CDC42BPA: variants seen among roughly 807,000 people sequenced by gnomAD.
CDC42BPA encodes the protein serine/threonine-protein kinase MRCK alpha.
A neutral mutation model predicts 223.5 loss-of-function variants in CDC42BPA; 80 were observed. That is an observed-to-expected ratio of 0.36 (90% CI 0.30 to 0.43). The LOEUF (loss-of-function observed/expected upper bound fraction) is 0.43. Among genes scored for constraint, CDC42BPA ranks in the 20% least tolerant of loss-of-function variants. The pLI is 1.00. For synonymous variants in CDC42BPA, 694 were observed against 718.6 expected, an observed-to-expected ratio of 0.97 and a Z score of 0.55; for missense variants, 1,743 against 2,099.9, an observed-to-expected ratio of 0.83 and a Z score of 3.32.
At chr1:227,203,299 T>C (rs908946323) in intron 3 of CDC42BPA, among the ~76,000 whole-genome samples, 5 of 152,104 alleles carry the variant, frequency 3.3e-5, no homozygotes, top group African/African-American at 1.2e-4. Flanking sequence ...TTGTCACAAT[T>C]GGGAAAGGAT....
intron 15 of CDC42BPA, among the ~76,000 whole-genome samples, chr1:227,095,739 A>G (rs1262865345): frequency 6.6e-6 from 1 of 151,922 alleles, no homozygotes; most frequent in African/African-American, 2.4e-5. Context: ...TTACAGGCAC[A>G]TGCCACTGTG....
rs922329437 is a variant in CDC42BPA, at chr1:227,237,591, G to A, written c.270+16473C>T. ...ACTATACCAATAGTTTATTCAACCG[G>A]TTGCCTAATGTCAGATATTTGGGTT... On this transcript the variant is annotated intron_variant, in intron 2 of 36. Transcript: ENST00000366766. Among the ~76,000 whole-genome samples, 5 of 152,194 alleles carry A rather than the reference G, an allele frequency of 3.3e-5. No individual in the cohort carries two copies. In the South Asian group the frequency reaches 6.2e-4, roughly 19 times the overall value.
chr1:227,070,308 T>G (rs1335602751), intron 20 of CDC42BPA, among the ~76,000 whole-genome samples: 1 of 151,866 alleles, frequency 6.6e-6, no homozygotes, highest in African/African-American at 2.4e-5. Context: ...CAAATACACT[T>G]AATTACAAAA....
At chr1:227,241,774 T>C (rs1680062717) in intron 2 of CDC42BPA, among the ~76,000 whole-genome samples, 1 of 152,120 alleles carries the variant, frequency 6.6e-6, no homozygotes, top group Admixed American at 6.5e-5. Flanking sequence ...ACTGTATATA[T>C]ACAATTAGGG....
intron 1 of CDC42BPA, among the ~76,000 whole-genome samples, chr1:227,279,008 CTT>C (rs151079127): frequency 7.0e-6 from 1 of 142,672 alleles, no homozygotes. Flanking sequence ...TGGTCCTAGC[CTT>C]TTTTTTTTTT....
At chr1:227,026,016 T>C (rs536339377) in intron 31 of CDC42BPA, 39 bp downstream of exon 31, 6 of 1,086,662 alleles carry the variant, frequency 5.5e-6, no homozygotes, top group South Asian at 4.0e-5. Context: ...TTTTCACTTA[T>C]ACTCAGTTGG....
At chr1:227,038,754 G>A (rs941659207) in intron 24 of CDC42BPA, among the ~76,000 whole-genome samples, 2 of 152,206 alleles carry the variant, frequency 1.3e-5, no homozygotes, top group African/African-American at 4.8e-5. Context: ...AGCAGGAGAT[G>A]CAACATGGCT....
intron 21 of CDC42BPA, among the ~76,000 whole-genome samples, chr1:227,052,768 A>G (rs1673796215): frequency 6.6e-6 from 1 of 152,346 alleles, no homozygotes; most frequent in African/African-American, 2.4e-5. Flanking sequence ...AAACACCATC[A>G]GTTTAAGAAT....
chr1:227,094,598 C>T (rs909468915), intron 15 of CDC42BPA, among the ~76,000 whole-genome samples: 5 of 152,204 alleles, frequency 3.3e-5, no homozygotes, highest in African/African-American at 1.2e-4. Context: ...ACTCTTTAAA[C>T]ATATCCTGTG....
At chr1:227,297,773 A>G (rs538903576) in intron 1 of CDC42BPA, among the ~76,000 whole-genome samples, 6 of 152,048 alleles carry the variant, frequency 3.9e-5, no homozygotes, top group Admixed American at 2.6e-4. Flanking sequence ...AAGTTACCAC[A>G]AACTGGGGAA....
chr1:227,229,506 C>T (rs1673499996), intron 2 of CDC42BPA, among the ~76,000 whole-genome samples: 1 of 152,148 alleles, frequency 6.6e-6, no homozygotes, highest in South Asian at 2.1e-4. Context: ...CAAATTTCTA[C>T]ATAAATTTTA....
At chr1:227,041,815 T>C (rs1246732458) in intron 23 of CDC42BPA, among the ~76,000 whole-genome samples, 4 of 152,166 alleles carry the variant, frequency 2.6e-5, no homozygotes, top group Non-Finnish European at 5.9e-5. Context: ...ACACAGTCTA[T>C]CTTATTACTA....
chr1:227,202,379 C>G (rs944884446), intron 3 of CDC42BPA, among the ~76,000 whole-genome samples: 3 of 152,218 alleles, frequency 2.0e-5, no homozygotes, highest in Non-Finnish European at 4.4e-5. Flanking sequence ...TGGTTTACTG[C>G]TAACATTTTA....
At position 227,298,083 on chromosome 1, in the gene CDC42BPA, C is replaced by G. The variant is rs1342288434; in HGVS notation, c.178+18922G>C. ...TGAGAAAAAGCAGTGTGACTATATA[C>G]AATGTTTTTTTTTATCTGTCTCAAA... is the stretch of plus-strand genomic sequence containing the variant. On this transcript the variant is annotated intron_variant, in intron 1 of 36. Coordinates refer to ENST00000366766, the MANE Select transcript of CDC42BPA (RefSeq NM_001394014.1). Among the ~76,000 whole-genome samples, 5 of 131,000 alleles carry G rather than the reference C, an allele frequency of 3.8e-5. No individual in the cohort carries two copies. The South Asian group carries it at 7.1e-4, about 19-fold the overall frequency. 85.9% of individuals were successfully genotyped at this position (131,000 alleles called of 152,430 possible).
At chr1:227,252,579 G>A (rs2813982) in intron 2 of CDC42BPA, among the ~76,000 whole-genome samples, 14,914 of 152,018 alleles carry the variant, frequency 0.098, 1,176 homozygotes, top group East Asian at 0.36. Flanking sequence ...CAGAACATTC[G>A]AAGTAGGAAA....
chr1:227,043,808 C>T (rs993245463), intron 23 of CDC42BPA, among the ~76,000 whole-genome samples: 6 of 152,072 alleles, frequency 3.9e-5, no homozygotes, highest in Non-Finnish European at 5.9e-5. Flanking sequence ...ATAAAAAATA[C>T]AGTAATAAAC....
At chr1:227,299,099 T>C (rs1324397770) in intron 1 of CDC42BPA, among the ~76,000 whole-genome samples, 1 of 152,172 alleles carries the variant, frequency 6.6e-6, no homozygotes, top group Non-Finnish European at 1.5e-5. Context: ...GCTTACTGGA[T>C]TTTCAAAAGA....
intron 35 of CDC42BPA, among the ~76,000 whole-genome samples, chr1:227,000,301 T>A (rs1424309887): frequency 3.3e-5 from 5 of 152,160 alleles, no homozygotes; most frequent in Non-Finnish European, 7.3e-5. Flanking sequence ...TCTTTACTTT[T>A]TTGATGTGGA....
chr1:227,219,658 G>A (rs142414571), intron 2 of CDC42BPA, among the ~76,000 whole-genome samples: 1,823 of 152,148 alleles, frequency 0.012, 14 homozygotes, highest in Non-Finnish European at 0.019. Flanking sequence ...ATGCAGAGGT[G>A]AGCCTACCCA....
Sources: allele counts gnomAD v4.1 joint callset (sites outside exome capture counted in the v4.1 genomes callset), GRCh38; gene constraint gnomAD v4.1.1; transcripts MANE v1.5; gene names NCBI Gene and HGNC (gene_info 2026-07-23, HGNC 2026-07-21).